ETV1: variants seen among roughly 807,000 people sequenced by gnomAD.
The protein encoded by ETV1 is ETS variant transcription factor 1.
A neutral mutation model predicts 62.3 loss-of-function variants in ETV1; 27 were observed. The observed-to-expected ratio is 0.43, with a 90% confidence interval of 0.32 to 0.60. The LOEUF (loss-of-function observed/expected upper bound fraction) is 0.60, where lower values mean the gene tolerates loss of function less well. Ranked by LOEUF, ETV1 falls within the 20% of genes least tolerant of loss-of-function variation. The pLI is 0.06. For missense variants in ETV1, 605 were observed against 605.8 expected (o/e 1.00, Z 0.01); for synonymous variants, 222 against 199.6 (o/e 1.11, Z -0.94).
At chr7:13,924,137 T>A (rs1488553634) in intron 9 of ETV1, among the ~76,000 whole-genome samples, 1 of 152,168 alleles carries the variant, frequency 6.6e-6, no homozygotes, top group Non-Finnish European at 1.5e-5. Context: ...GATCCTGTAG[T>A]CCCTCATAAG....
chr7:13,966,340 T>C (rs2128488629), intron 6 of ETV1, among the ~76,000 whole-genome samples: 1 of 152,132 alleles, frequency 6.6e-6, no homozygotes, highest in South Asian at 2.1e-4. Context: ...TTAAAATAAG[T>C]ATAAAATTAA....
chr7:13,915,749 T>C (rs1002379926), intron 9 of ETV1, among the ~76,000 whole-genome samples: 2 of 151,422 alleles, frequency 1.3e-5, no homozygotes, highest in South Asian at 2.1e-4. Context: ...TGAATGATAA[T>C]GGAAATAATT....
chr7:13,976,036 CCAT>C (rs1201994793), intron 6 of ETV1, among the ~76,000 whole-genome samples: 1 of 152,152 alleles, frequency 6.6e-6, no homozygotes, highest in Non-Finnish European at 1.5e-5. Flanking sequence ...CTTGTATTAG[CCAT>C]CATCCTTCTG....
At chr7:13,970,326 A>ACACACACACACACACACAC (rs1562698769) in intron 6 of ETV1, among the ~76,000 whole-genome samples, 2 of 138,482 alleles carry the variant, frequency 1.4e-5, no homozygotes, top group African/African-American at 5.5e-5. Flanking sequence ...ACACACACAC[A>ACACACACACACACACACAC]AAGCAGCAAC....
chr7:13,930,617 G>T (rs1392509119), intron 9 of ETV1, among the ~76,000 whole-genome samples: 2 of 151,632 alleles, frequency 1.3e-5, no homozygotes, highest in African/African-American at 4.8e-5. Context: ...CACCAGACTG[G>T]AAAAGATTTT....
At chr7:13,942,291 G>C (rs1234247192) in intron 6 of ETV1, among the ~76,000 whole-genome samples, 1 of 152,030 alleles carries the variant, frequency 6.6e-6, no homozygotes, top group African/African-American at 2.4e-5. Flanking sequence ...CCAAAATGCT[G>C]GCATTACAGG....
intron 5 of ETV1, among the ~76,000 whole-genome samples, chr7:13,982,907 A>G (rs1004561133): frequency 1.3e-5 from 2 of 152,074 alleles, no homozygotes; most frequent in African/African-American, 4.8e-5. Flanking sequence ...AAGTAACAAT[A>G]GCACATATTA....
chr7:13,970,305 C>G (rs866486207), intron 6 of ETV1, among the ~76,000 whole-genome samples: 18 of 81,822 alleles, frequency 2.2e-4, no homozygotes, highest in African/African-American at 7.1e-4. Context: ...CACACACACA[C>G]ACACACACAC....
intron 12 of ETV1, among the ~76,000 whole-genome samples, chr7:13,901,969 A>G (rs975355418): frequency 6.6e-6 from 1 of 152,134 alleles, no homozygotes; most frequent in African/African-American, 2.4e-5. Flanking sequence ...ATGTATATAT[A>G]TCCCTACCTC....
intron 6 of ETV1, among the ~76,000 whole-genome samples, chr7:13,951,839 G>A (rs10264667): frequency 0.12 from 18,781 of 152,086 alleles, 2,144 homozygotes; most frequent in African/African-American, 0.31. Context: ...ATGAGAACTT[G>A]ATAGTAGCTG....
intron 6 of ETV1, among the ~76,000 whole-genome samples, chr7:13,942,020 CTTTTTTT>C (rs560415338): frequency 4.0e-5 from 4 of 99,752 alleles, no homozygotes; most frequent in Admixed American, 1.1e-4. Flanking sequence ...CCATGCATTT[CTTTTTTT>C]TTTTTTTTTT....
intron 9 of ETV1, among the ~76,000 whole-genome samples, chr7:13,924,252 G>C (rs941615000): frequency 6.6e-6 from 1 of 152,032 alleles, no homozygotes; most frequent in Non-Finnish European, 1.5e-5. Context: ...GAAAGAGCGA[G>C]GTCCAATGAG....
intron 2 of ETV1, 46 bp from the exon 3 acceptor site, chr7:13,989,185 A>C (rs1782835923): frequency 4.2e-6 from 3 of 718,716 alleles, no homozygotes; most frequent in African/African-American, 1.8e-5. Context: ...AAAATCATGA[A>C]TGAAGCTCTT....
intron 9 of ETV1, among the ~76,000 whole-genome samples, chr7:13,912,424 T>C (rs1393123120): frequency 1.3e-5 from 2 of 152,134 alleles, no homozygotes; most frequent in African/African-American, 4.8e-5. Flanking sequence ...TTCAAATGGC[T>C]GATTTGTTTA....
intron 9 of ETV1, among the ~76,000 whole-genome samples, chr7:13,922,542 T>C (rs572457149): frequency 6.6e-6 from 1 of 152,248 alleles, no homozygotes; most frequent in East Asian, 1.9e-4. Flanking sequence ...GGCCAAGAGT[T>C]AGCAACTTAC....
intron 6 of ETV1, among the ~76,000 whole-genome samples, chr7:13,943,776 T>C (rs1201881893): frequency 1.3e-5 from 2 of 152,220 alleles, no homozygotes; most frequent in Non-Finnish European, 2.9e-5. Flanking sequence ...ATCTTGCTTC[T>C]GGGTGGTGGT....
intron 6 of ETV1, among the ~76,000 whole-genome samples, chr7:13,975,758 A>G (rs1219572575): frequency 1.3e-5 from 2 of 152,098 alleles, no homozygotes; most frequent in African/African-American, 4.8e-5. Flanking sequence ...AAGAGTTCAA[A>G]GAGACTAAAT....
intron 5 of ETV1, among the ~76,000 whole-genome samples, chr7:13,979,102 T>C (rs945622892): frequency 1.3e-5 from 2 of 152,142 alleles, no homozygotes; most frequent in African/African-American, 4.8e-5. Flanking sequence ...GTTAGCAAAC[T>C]GCAAATCTTA....
In ETV1 at chr7:13,901,551, A is replaced by C. The variant is rs138432602; in HGVS notation, c.1111-712T>G. Among the ~76,000 whole-genome samples, 646 of 152,282 alleles carry C rather than the reference A, an allele frequency of 4.2e-3. 3 individuals carry two copies. Among genetic ancestry groups the C allele is most frequent in the Non-Finnish European group, 8.1e-3 (549 of 68,026 alleles). On this transcript the variant is annotated intron_variant, in intron 12 of 13. Transcript: ENST00000430479. ...GAGCAGCTTAGTGATCTCCTTGTAA[A>C]GGTGTTTTACTGAGGTTATGATAAG... is the stretch of plus-strand genomic sequence containing the variant.
Sources: gnomAD v4.1 joint callset for allele counts (sites outside exome capture counted in the v4.1 genomes callset) on GRCh38, gnomAD v4.1.1 for gene constraint, MANE v1.5 for transcripts, NCBI Gene and HGNC (gene_info 2026-07-23, HGNC 2026-07-21) for gene names.